The following LYPD6B variants were observed in gnomAD, a reference collection of about 807,000 sequenced individuals.
LYPD6B encodes ly6/PLAUR domain-containing protein 6B.
LYPD6B carries 17 observed loss-of-function variants against 22.8 expected under a neutral mutation model. The observed-to-expected ratio is 0.75, with a 90% confidence interval of 0.51 to 1.12. LYPD6B has a LOEUF of 1.12. LYPD6B is among the 50% of genes most tolerant of loss of function. The probability of loss-of-function intolerance (pLI) is 0.00; values close to 1 mark genes in which losing one functional copy is unlikely to be tolerated. For missense variants in LYPD6B, 221 were observed against 258.3 expected (o/e 0.86, Z 0.99); for synonymous variants, 106 against 91.6 (o/e 1.16, Z -0.90).
In LYPD6B at chr2:149,130,956, G is replaced by A. The variant is rs757465410; in HGVS notation, c.5+3G>A. On this transcript the variant is annotated splice_donor_region_variant and intron_variant, in intron 2 of 6. Transcript: ENST00000409642. ...CTCTTGTTAATCACATGGATGTTGTGAGTATTATATTCACAAGTGGATGTA... is the reference window on the plus strand; with the variant it reads ...CTCTTGTTAATCACATGGATGTTGTAAGTATTATATTCACAAGTGGATGTA... The A allele has an allele frequency of 1.4e-5, 23 of 1,600,458 alleles. No individual in the cohort carries two copies. The highest frequency in any genetic ancestry group is 1.7e-4 in the Middle Eastern group (1 of 6,054).
At position 149,214,990 on chromosome 2, in the gene LYPD6B, A is replaced by G. The variant is rs1694100082; in HGVS notation, c.*280A>G. 2.3e-6 allele frequency: 1 copy of G among 431,736 alleles called. No homozygotes were observed. Among genetic ancestry groups the G allele is most frequent in the Non-Finnish European group, 4.2e-6 (1 of 236,916 alleles). 26.7% of individuals were successfully genotyped at this position (431,736 alleles called of 1,614,324 possible). A position where few individuals can be genotyped will look rare whatever the true frequency, so the allele number is the denominator to read the frequency against. On this transcript the variant is annotated 3_prime_UTR_variant, in exon 7 of 7. Coordinates refer to ENST00000409642, the MANE Select transcript of LYPD6B (RefSeq NM_177964.5). ...CAGTTCTGCAGAGAGGATCCTGGCA[A>G]CTAGTCCCACCTGACTAGGCCTTTA...
intron 3 of LYPD6B, among the ~76,000 whole-genome samples, chr2:149,194,566 C>G (rs1016753356): frequency 6.6e-6 from 1 of 152,172 alleles, no homozygotes; most frequent in African/African-American, 2.4e-5. Context: ...AAAACAGTTA[C>G]CAGAATCTAG....
At chr2:149,120,670 A>G (rs1007704429) in intron 1 of LYPD6B, among the ~76,000 whole-genome samples, 1 of 150,922 alleles carries the variant, frequency 6.6e-6, no homozygotes, top group African/African-American at 2.4e-5. Flanking sequence ...GGCATGAGTC[A>G]CGGCGCCTGG....
chr2:149,207,712 T>A (rs1693589961), intron 4 of LYPD6B, among the ~76,000 whole-genome samples: 2 of 152,256 alleles, frequency 1.3e-5, no homozygotes, highest in South Asian at 4.1e-4. Flanking sequence ...AGATTACATG[T>A]TTGAGGTTAA....
At chr2:149,185,179 C>CA (rs1013761223) in intron 3 of LYPD6B, among the ~76,000 whole-genome samples, 2 of 152,156 alleles carry the variant, frequency 1.3e-5, no homozygotes, top group African/African-American at 2.4e-5. Context: ...GCTTCTGGGG[C>CA]ACTCAGGGAT....
chr2:149,050,704 T>C (rs1400900178), intron 1 of LYPD6B, among the ~76,000 whole-genome samples: 2 of 152,140 alleles, frequency 1.3e-5, no homozygotes, highest in Non-Finnish European at 2.9e-5. Flanking sequence ...AATTTGGAGC[T>C]GGGATTGTAG....
At chr2:149,176,934 C>T (rs1691351527) in intron 3 of LYPD6B, among the ~76,000 whole-genome samples, 1 of 152,192 alleles carries the variant, frequency 6.6e-6, no homozygotes. Flanking sequence ...TACACACACC[C>T]ACCATCCCCA....
At chr2:149,209,829 T>C (rs1693734167) in intron 5 of LYPD6B, among the ~76,000 whole-genome samples, 1 of 152,228 alleles carries the variant, frequency 6.6e-6, no homozygotes, top group Non-Finnish European at 1.5e-5. Context: ...TACATTTCTG[T>C]CAAGGGATCA....
chr2:149,098,190 C>T (rs1306410445), intron 1 of LYPD6B, among the ~76,000 whole-genome samples: 1 of 151,310 alleles, frequency 6.6e-6, no homozygotes, highest in Non-Finnish European at 1.5e-5. Flanking sequence ...TTTATACATT[C>T]TGAGTTCAAT....
chr2:149,140,834 C>T (rs1044931937), intron 2 of LYPD6B, among the ~76,000 whole-genome samples: 3 of 152,144 alleles, frequency 2.0e-5, no homozygotes, highest in Non-Finnish European at 2.9e-5. Context: ...CCATTTGTCC[C>T]ATCTTTGATC....
chr2:149,098,831 C>G (rs1686050226), intron 1 of LYPD6B, among the ~76,000 whole-genome samples: 1 of 149,502 alleles, frequency 6.7e-6, no homozygotes, highest in Admixed American at 6.7e-5. Flanking sequence ...GATGACGGGA[C>G]TTTGATGCAC....
chr2:149,123,057 A>G (rs967718116), intron 1 of LYPD6B, among the ~76,000 whole-genome samples: 6 of 152,180 alleles, frequency 3.9e-5, no homozygotes, highest in African/African-American at 1.4e-4. Flanking sequence ...AAATGCCCAC[A>G]CAGAAGGCTG....
At chr2:149,068,717 A>G (rs987630186) in intron 1 of LYPD6B, 4 of 546,452 alleles carry the variant, frequency 7.3e-6, no homozygotes, top group African/African-American at 1.9e-5. Context: ...CTCTGAAGCA[A>G]CATCCTGACA....
intron 3 of LYPD6B, among the ~76,000 whole-genome samples, chr2:149,186,917 G>A (rs1692145585): frequency 6.6e-6 from 1 of 152,186 alleles, no homozygotes; most frequent in African/African-American, 2.4e-5. Context: ...GATGACTTAA[G>A]AAATTTCCAC....
At chr2:149,089,347 T>TCTGGA (rs1394652551) in intron 1 of LYPD6B, among the ~76,000 whole-genome samples, 19 of 152,184 alleles carry the variant, frequency 1.2e-4, no homozygotes, top group Non-Finnish European at 4.4e-5. Flanking sequence ...GGGAGGCTGC[T>TCTGGA]TCTGGATGCA....
Position 149,124,995 on chromosome 2 carries a change from T to C in LYPD6B, c.-66-5888T>C, listed in dbSNP as rs113803516. Among the ~76,000 whole-genome samples, 698 of 152,316 alleles carry C rather than the reference T, an allele frequency of 4.6e-3. 4 individuals are homozygous for C. The highest frequency in any genetic ancestry group is 0.015 in the African/African-American group (640 of 41,568). On this transcript the variant is annotated intron_variant, in intron 1 of 6. Transcript: ENST00000409642. ...TTACAAAGAAGCCTTTGAAGGATGA[T>C]CTTTCTGTGATTTATTATTTTCTAA... is the stretch of plus-strand genomic sequence containing the variant.
chr2:149,059,257 A>G (rs975656629), intron 1 of LYPD6B, among the ~76,000 whole-genome samples: 4 of 151,612 alleles, frequency 2.6e-5, no homozygotes, highest in Admixed American at 2.0e-4. Context: ...TTTTCCTTTC[A>G]CTCCTTAATA....
At chr2:149,164,461 A>C (rs930648250) in intron 3 of LYPD6B, among the ~76,000 whole-genome samples, 1 of 152,118 alleles carries the variant, frequency 6.6e-6, no homozygotes, top group African/African-American at 2.4e-5. Context: ...AGTGATGCTG[A>C]TCTTGAATTT....
intron 3 of LYPD6B, among the ~76,000 whole-genome samples, chr2:149,165,844 G>A (rs992138938): frequency 6.6e-6 from 1 of 152,176 alleles, no homozygotes; most frequent in Non-Finnish European, 1.5e-5. Context: ...CTTGGACTGT[G>A]TGGTTTTTCT....
Sources: gnomAD v4.1 joint callset for allele counts (sites outside exome capture counted in the v4.1 genomes callset) on GRCh38, gnomAD v4.1.1 for gene constraint, MANE v1.5 for transcripts, NCBI Gene and HGNC (gene_info 2026-07-23, HGNC 2026-07-21) for gene names.